ELAPOR2: variants seen among roughly 807,000 people sequenced by gnomAD.
ELAPOR2 encodes endosome/lysosome-associated apoptosis and autophagy regulator family member 2.
ELAPOR2 carries 89 observed loss-of-function variants against 120.7 expected under a neutral mutation model. The observed-to-expected ratio is 0.74, with a 90% confidence interval of 0.62 to 0.88. The LOEUF (loss-of-function observed/expected upper bound fraction) is 0.88, where lower values mean the gene tolerates loss of function less well. Ranked by LOEUF, ELAPOR2 falls within the 40% of genes least tolerant of loss-of-function variation. The pLI, the probability that ELAPOR2 is intolerant of heterozygous loss-of-function variation, is 0.00. For synonymous variants in ELAPOR2, 444 were observed against 444.9 expected, an observed-to-expected ratio of 1.00 and a Z score of 0.03; for missense variants, 1,134 against 1,251.6, an observed-to-expected ratio of 0.91 and a Z score of 1.42.
At chr7:86,977,445 C>G (rs1370235815) in intron 1 of ELAPOR2, among the ~76,000 whole-genome samples, 1 of 152,148 alleles carries the variant, frequency 6.6e-6, no homozygotes. Flanking sequence ...CAGAATTTGG[C>G]TAGCAACATC....
chr7:86,911,952 C>T lies in ELAPOR2; in HGVS notation c.2169+120G>A, dbSNP rs142057197. ...GCAATAGAGGATCTAAGCAATCAAA[C>T]CTCAGTTTCTGACACTTGGTTGATA... On this transcript the variant is annotated intron_variant, in intron 15 of 21. Transcript: ENST00000450689. 447 of 1,055,066 alleles carry T rather than the reference C, an allele frequency of 4.2e-4. 1 individual carries two copies. The East Asian group carries it at 0.01, about 24-fold the overall frequency. The allele number at this position is 1,055,066 out of a possible 1,614,324, so 65.4% of individuals were successfully genotyped here.
At chr7:86,904,430 T>G (rs962685484) in intron 18 of ELAPOR2, among the ~76,000 whole-genome samples, 1 of 152,176 alleles carries the variant, frequency 6.6e-6, no homozygotes, top group African/African-American at 2.4e-5. Flanking sequence ...TTTAGGAATA[T>G]CAGCAGCCTA....
intron 2 of ELAPOR2, among the ~76,000 whole-genome samples, chr7:86,960,844 T>C (rs1294764759): frequency 1.3e-5 from 2 of 152,066 alleles, no homozygotes; most frequent in East Asian, 3.9e-4. Flanking sequence ...TTTCTTAACG[T>C]CCATTAAATA....
At chr7:86,963,833 T>A (rs550378711) in intron 2 of ELAPOR2, among the ~76,000 whole-genome samples, 5 of 152,292 alleles carry the variant, frequency 3.3e-5, no homozygotes, top group Admixed American at 6.5e-5. Flanking sequence ...GTCTCTTAAG[T>A]CTTGTCTCTT....
At chr7:87,036,376 C>T (rs955004439) in intron 1 of ELAPOR2, among the ~76,000 whole-genome samples, 1 of 151,818 alleles carries the variant, frequency 6.6e-6, no homozygotes, top group Non-Finnish European at 1.5e-5. Flanking sequence ...CCCAACTACT[C>T]GGGAGGCTGA....
chr7:86,926,937 A>G, intron 8 of ELAPOR2, 21 bp from the exon 9 acceptor site: 3 of 1,483,060 alleles, frequency 2.0e-6, no homozygotes, highest in Non-Finnish European at 1.8e-6. Flanking sequence ...AAAAAAAAAA[A>G]AAAAGCAACC....
intron 1 of ELAPOR2, among the ~76,000 whole-genome samples, chr7:87,033,368 A>G (rs1794479208): frequency 6.6e-6 from 1 of 152,238 alleles, no homozygotes; most frequent in African/African-American, 2.4e-5. Context: ...GTTAGAATTA[A>G]TAAGACAGCC....
intron 1 of ELAPOR2, among the ~76,000 whole-genome samples, chr7:86,987,065 T>C (rs1241748521): frequency 6.6e-6 from 1 of 151,720 alleles, no homozygotes; most frequent in Non-Finnish European, 1.5e-5. Context: ...ATCTGACCTT[T>C]GACAAACCTG....
At chr7:87,034,396 TTTAG>T (rs1421118525) in intron 1 of ELAPOR2, among the ~76,000 whole-genome samples, 1 of 152,130 alleles carries the variant, frequency 6.6e-6, no homozygotes, top group East Asian at 1.9e-4. Flanking sequence ...GGCATGCTTA[TTTAG>T]TGAGATTATG....
chr7:86,900,633 T>C (rs775816756), intron 18 of ELAPOR2, among the ~76,000 whole-genome samples: 11 of 152,216 alleles, frequency 7.2e-5, no homozygotes, highest in Non-Finnish European at 1.6e-4. Flanking sequence ...TGTTAAAAGA[T>C]ACTCTTAGCT....
intron 10 of ELAPOR2, among the ~76,000 whole-genome samples, chr7:86,920,577 G>A (rs1789784471): frequency 6.6e-6 from 1 of 152,140 alleles, no homozygotes; most frequent in Non-Finnish European, 1.5e-5. Flanking sequence ...AAAGAAGGCA[G>A]TACAAGGATG....
intron 10 of ELAPOR2, 127 bp downstream of exon 10, chr7:86,925,401 G>A: frequency 3.4e-6 from 3 of 894,166 alleles, no homozygotes; most frequent in Non-Finnish European, 1.7e-6. Flanking sequence ...CAGAAGATGG[G>A]CAAGCAGCCA....
At chr7:87,013,270 C>G (rs1398843922) in intron 1 of ELAPOR2, among the ~76,000 whole-genome samples, 1 of 152,068 alleles carries the variant, frequency 6.6e-6, no homozygotes, top group African/African-American at 2.4e-5. Context: ...AGCTCTAGCA[C>G]TATAAATCAT....
chr7:86,944,993 G>A lies in ELAPOR2; in HGVS notation c.560C>T (p.Thr187Met), dbSNP rs367616300. Residue 187 changes from threonine to methionine, a missense_variant, in exon 4 of 22, where the codon ACG (threonine) becomes ATG (methionine). Coordinates refer to ENST00000450689, the MANE Select transcript of ELAPOR2 (RefSeq NM_001142749.3). ...GTGCACAGCATAGATCAAAGACACC[G>A]TGCAGTCATCACGATTAGATTCTAT... ...NYIESNRDDC[T>M]VSLIYAVHLK... 102 of 1,550,468 alleles carry A rather than the reference G, an allele frequency of 6.6e-5. No individual in the cohort carries two copies. Among genetic ancestry groups the A allele is most frequent in the African/African-American group, 8.2e-5 (6 of 72,986 alleles).
chr7:87,052,987 A>G (rs1418391794), intron 1 of ELAPOR2, among the ~76,000 whole-genome samples: 3 of 151,972 alleles, frequency 2.0e-5, no homozygotes, highest in Non-Finnish European at 4.4e-5. Flanking sequence ...TTGTAGAGAC[A>G]GGGTCTTGCT....
chr7:87,037,090 G>A (rs978285038), intron 1 of ELAPOR2, among the ~76,000 whole-genome samples: 6 of 151,870 alleles, frequency 4.0e-5, no homozygotes, highest in African/African-American at 1.5e-4. Flanking sequence ...ATCCTCAAAT[G>A]CTTCTCACTC....
At chr7:86,936,576 G>A (rs1790568050) in intron 8 of ELAPOR2, among the ~76,000 whole-genome samples, 1 of 152,080 alleles carries the variant, frequency 6.6e-6, no homozygotes, top group Non-Finnish European at 1.5e-5. Context: ...AGTTTATAAA[G>A]TACTAGCACA....
At chr7:87,050,904 T>C (rs1177152021) in intron 1 of ELAPOR2, among the ~76,000 whole-genome samples, 3 of 152,156 alleles carry the variant, frequency 2.0e-5, no homozygotes, top group Admixed American at 6.5e-5. Flanking sequence ...GTTCTAGATA[T>C]GAGCAACTAG....
chr7:86,880,336 T>G lies in ELAPOR2; in HGVS notation c.*135A>C, dbSNP rs756753243. 37 of 709,140 alleles carry G rather than the reference T, an allele frequency of 5.2e-5. No individual in the cohort carries two copies. Among genetic ancestry groups the G allele is most frequent in the Non-Finnish European group, 9.3e-5 (37 of 399,784 alleles). 43.9% of individuals were successfully genotyped at this position (709,140 alleles called of 1,614,324 possible). On this transcript the variant is annotated 3_prime_UTR_variant, in exon 22 of 22. Coordinates refer to ENST00000450689, the MANE Select transcript of ELAPOR2 (RefSeq NM_001142749.3). ...AGGCAATCAAATGTTTCAATCTCCTTCCCTTTTCAGCGGCATGGCCCTCCT... is the reference window on the plus strand; with the variant it reads ...AGGCAATCAAATGTTTCAATCTCCTGCCCTTTTCAGCGGCATGGCCCTCCT...
Sources: allele counts gnomAD v4.1 joint callset (sites outside exome capture counted in the v4.1 genomes callset), GRCh38; gene constraint gnomAD v4.1.1; transcripts MANE v1.5; gene names NCBI Gene and HGNC (gene_info 2026-07-23, HGNC 2026-07-21).